The following MED13L variants were observed in gnomAD, a reference collection of about 807,000 sequenced individuals.
MED13L encodes the protein mediator complex subunit 13L.
Under a neutral mutation model 220.9 loss-of-function variants are expected in MED13L, and 7 were observed. The ratio of observed to expected loss-of-function variants is 0.03; its 90% CI spans 0.02 to 0.06. The LOEUF is 0.06. MED13L is among the 10% of genes least tolerant of loss of function. MED13L has a pLI of 1.00. For synonymous variants in MED13L, 1,011 were observed against 1,015.2 expected (o/e 1.00, Z 0.08); for missense variants, 1,965 against 2,760.5 (o/e 0.71, Z 6.46).
intron 1 of MED13L, among the ~76,000 whole-genome samples, chr12:116,241,660 G>A (rs1870668855): frequency 6.6e-6 from 1 of 152,162 alleles, no homozygotes; most frequent in Non-Finnish European, 1.5e-5. Flanking sequence ...TTACAAAGTT[G>A]TTCTAGCAAG....
At chr12:116,007,303 C>T in intron 11 of MED13L, 108 bp downstream of exon 11, 2 of 983,576 alleles carry the variant, frequency 2.0e-6, no homozygotes, top group Non-Finnish European at 3.2e-6. Flanking sequence ...ACAGAGCAAT[C>T]AGGCAAGACT....
rs150529599 is a variant in MED13L, at chr12:116,170,848, G to A, written c.311-59336C>T. On this transcript the variant is annotated intron_variant, in intron 2 of 30. Transcript: ENST00000281928. ...ACTCCTGACCTCAACTGATCCACACGCCTCAGCCTCCCAGAGTGCTGGGAT... is the reference window on the plus strand; with the variant it reads ...ACTCCTGACCTCAACTGATCCACACACCTCAGCCTCCCAGAGTGCTGGGAT... 2.4e-4 allele frequency among the ~76,000 whole-genome samples: 37 copies of A among 152,186 alleles called. No homozygotes were observed. The East Asian group carries it at 6.8e-3, about 28-fold the overall frequency.
At chr12:116,182,369 T>G (rs895899004) in intron 2 of MED13L, among the ~76,000 whole-genome samples, 2 of 152,184 alleles carry the variant, frequency 1.3e-5, no homozygotes, top group African/African-American at 4.8e-5. Context: ...TCCCCACAAA[T>G]CTCTGACACT....
intron 4 of MED13L, among the ~76,000 whole-genome samples, chr12:116,035,421 A>G (rs979409140): frequency 2.6e-5 from 4 of 152,184 alleles, no homozygotes; most frequent in Admixed American, 2.0e-4. Context: ...CAATTTCTAT[A>G]AAGAATGGTT....
chr12:116,163,073 T>C (rs1879003468), intron 2 of MED13L, among the ~76,000 whole-genome samples: 1 of 152,168 alleles, frequency 6.6e-6, no homozygotes, highest in African/African-American at 2.4e-5. Flanking sequence ...AATACAATTA[T>C]TTCAGAATTT....
chr12:116,067,857 G>A (rs1270697334), intron 4 of MED13L, among the ~76,000 whole-genome samples: 1 of 152,190 alleles, frequency 6.6e-6, no homozygotes, highest in Non-Finnish European at 1.5e-5. Flanking sequence ...TGCAGCAAAT[G>A]TCTGGAACAC....
intron 2 of MED13L, among the ~76,000 whole-genome samples, chr12:116,149,164 C>T (rs983777368): frequency 6.6e-6 from 1 of 152,182 alleles, no homozygotes; most frequent in East Asian, 1.9e-4. Flanking sequence ...TTCCATAAGA[C>T]TTTCCTCATA....
chr12:116,127,015 A>C (rs1364120434), intron 2 of MED13L, among the ~76,000 whole-genome samples: 1 of 152,224 alleles, frequency 6.6e-6, no homozygotes, highest in Non-Finnish European at 1.5e-5. Flanking sequence ...TTTTCCAAAT[A>C]ATTAACTTAC....
intron 1 of MED13L, among the ~76,000 whole-genome samples, chr12:116,240,241 C>A (rs778278480): frequency 6.6e-6 from 1 of 151,968 alleles, no homozygotes; most frequent in South Asian, 2.1e-4. Context: ...GGACTACATG[C>A]GTGCACCACC....
At chr12:116,006,173 A>C in intron 12 of MED13L, 133 bp downstream of exon 12, 1 of 1,247,582 alleles carries the variant, frequency 8.0e-7, no homozygotes, top group Non-Finnish European at 1.1e-6. Context: ...ACTGAAAAAC[A>C]AACTATGAAA....
intron 2 of MED13L, among the ~76,000 whole-genome samples, chr12:116,199,438 T>C (rs1881857262): frequency 6.6e-6 from 1 of 152,228 alleles, no homozygotes. Context: ...TATCCTCATC[T>C]GCAAGAAACA....
At chr12:115,994,694 T>C (rs763165357) in intron 16 of MED13L, among the ~76,000 whole-genome samples, 1 of 152,220 alleles carries the variant, frequency 6.6e-6, no homozygotes, top group Non-Finnish European at 1.5e-5. Context: ...AAAACTGCTA[T>C]GTCATTTATT....
chr12:116,254,173 G>A (rs1871830990), intron 1 of MED13L, among the ~76,000 whole-genome samples: 1 of 151,964 alleles, frequency 6.6e-6, no homozygotes, highest in Non-Finnish European at 1.5e-5. Context: ...CCCAAGAACA[G>A]GAACAAGGTA....
At chr12:116,100,244 C>A (rs551087507) in intron 3 of MED13L, among the ~76,000 whole-genome samples, 3 of 151,918 alleles carry the variant, frequency 2.0e-5, no homozygotes, top group Non-Finnish European at 4.4e-5. Flanking sequence ...TCAACAGTAG[C>A]CTATATAGAG....
chr12:115,997,636 G>A (rs1878490922), intron 14 of MED13L, among the ~76,000 whole-genome samples: 1 of 152,220 alleles, frequency 6.6e-6, no homozygotes, highest in Non-Finnish European at 1.5e-5. Context: ...TGCCCAGGCT[G>A]GTCTCGAACT....
intron 1 of MED13L, among the ~76,000 whole-genome samples, chr12:116,250,103 A>C (rs1398821964): frequency 2.6e-5 from 4 of 151,568 alleles, no homozygotes; most frequent in Non-Finnish European, 4.4e-5. Context: ...AAAAAGGAAA[A>C]TATTACAAGT....
At chr12:115,977,802 G>C (rs1279155949) in intron 23 of MED13L, among the ~76,000 whole-genome samples, 1 of 152,142 alleles carries the variant, frequency 6.6e-6, no homozygotes, top group African/African-American at 2.4e-5. Flanking sequence ...CTCAAGACCA[G>C]CCTGGGCAAC....
intron 2 of MED13L, among the ~76,000 whole-genome samples, chr12:116,112,822 T>C (rs574071862): frequency 6.6e-6 from 1 of 152,364 alleles, no homozygotes; most frequent in South Asian, 2.1e-4. Context: ...AGAATTTTTC[T>C]GGGTTTGAAA....
chr12:115,961,601 A>T, intron 30 of MED13L: 1 of 708,704 alleles, frequency 1.4e-6, no homozygotes, highest in South Asian at 1.7e-5. Flanking sequence ...CAGCAGCCAC[A>T]CATGGCCATT....
Sources: allele counts gnomAD v4.1 joint callset (sites outside exome capture counted in the v4.1 genomes callset), GRCh38; gene constraint gnomAD v4.1.1; transcripts MANE v1.5; gene names NCBI Gene and HGNC (gene_info 2026-07-23, HGNC 2026-07-21).